Variants in COMMD6 observed in about 807,000 individuals in gnomAD.
The protein encoded by COMMD6 is COMM domain-containing protein 6.
Under a neutral mutation model 13.4 loss-of-function variants are expected in COMMD6, and 11 were observed. The ratio of observed to expected loss-of-function variants is 0.82; its 90% CI spans 0.52 to 1.36. The LOEUF (loss-of-function observed/expected upper bound fraction) is 1.36. COMMD6 is among the 40% of genes most tolerant of loss of function. The pLI, the probability that COMMD6 is intolerant of heterozygous loss-of-function variation, is 0.00. For synonymous variants in COMMD6, 43 were observed against 36.5 expected, an observed-to-expected ratio of 1.18 and a Z score of -0.64; for missense variants, 124 against 102.4, an observed-to-expected ratio of 1.21 and a Z score of -0.91.
At chr13:75,547,770 G>A (rs1168593310) in intron 1 of COMMD6, among the ~76,000 whole-genome samples, 1 of 152,214 alleles carries the variant, frequency 6.6e-6, no homozygotes, top group African/African-American at 2.4e-5. Context: ...TCTGGGGTGT[G>A]CTAGGACAAC....
At chr13:75,535,830 G>A (rs1187441145) in intron 2 of COMMD6, among the ~76,000 whole-genome samples, 1 of 152,026 alleles carries the variant, frequency 6.6e-6, no homozygotes, top group Non-Finnish European at 1.5e-5. Flanking sequence ...ACCGCTTTTT[G>A]TAATTTTCTT....
chr13:75,541,402 C>T (rs1418339231), upstream of COMMD6, among the ~76,000 whole-genome samples: 1 of 151,924 alleles, frequency 6.6e-6, no homozygotes, highest in Admixed American at 6.6e-5. Context: ...GTCTCTTCAG[C>T]TTCTCCATAC....
chr13:75,544,398 T>G (rs2030870459), intron 1 of COMMD6, among the ~76,000 whole-genome samples: 1 of 152,176 alleles, frequency 6.6e-6, no homozygotes. Context: ...CCTGTCTACT[T>G]CACACATTTG....
intron 3 of COMMD6, among the ~76,000 whole-genome samples, chr13:75,529,325 C>T (rs1161085513): frequency 6.6e-6 from 1 of 152,064 alleles, no homozygotes; most frequent in Non-Finnish European, 1.5e-5. Flanking sequence ...TCGAGACCAT[C>T]CTGGCTAACA....
At chr13:75,528,221 T>C (rs1388191616) in intron 3 of COMMD6, among the ~76,000 whole-genome samples, 1 of 151,980 alleles carries the variant, frequency 6.6e-6, no homozygotes, top group African/African-American at 2.4e-5. Flanking sequence ...GTTAATCCAA[T>C]TGTGATTTTT....
At position 75,528,071 on chromosome 13, in the gene COMMD6, CTG is replaced by C. The variant is rs2030332328; in HGVS notation, c.208-1434_208-1433del. ...CTCTCTCCAAAAAAAAAAAAGGTAA[CTG>C]TGTGGGGGTGGATGTGTTAATTAGA... is the stretch of plus-strand genomic sequence containing the variant. On this transcript the variant is annotated intron_variant, in intron 3 of 3. Coordinates refer to ENST00000682242, the MANE Select transcript of COMMD6 (RefSeq NM_203495.4). Among the ~76,000 whole-genome samples the C allele has an allele frequency of 2.0e-5, 3 of 149,214 alleles. 1 individual carries two copies. In the South Asian group the frequency reaches 6.4e-4, roughly 32 times the overall value.
chr13:75,532,560 G>A (rs760487882), intron 2 of COMMD6, among the ~76,000 whole-genome samples: 9 of 152,116 alleles, frequency 5.9e-5, no homozygotes, highest in Non-Finnish European at 8.8e-5. Context: ...TGCTGGGTGC[G>A]GTGGCTCACG....
At chr13:75,537,462 G>T in intron 2 of COMMD6, 1 of 1,551,808 alleles carries the variant, frequency 6.4e-7, no homozygotes, top group Non-Finnish European at 8.7e-7. Flanking sequence ...AGTGCAGGGT[G>T]GGGAAGAGGA....
upstream of COMMD6, among the ~76,000 whole-genome samples, chr13:75,540,339 CA>C (rs1566201698): frequency 2.9e-5 from 3 of 103,660 alleles, no homozygotes; most frequent in African/African-American, 1.2e-4. Context: ...CACACACACA[CA>C]CACCCACACA....
upstream of COMMD6, chr13:75,538,068 A>G (rs532865006): frequency 2.4e-6 from 1 of 417,694 alleles, no homozygotes; most frequent in African/African-American, 2.0e-5. Flanking sequence ...TAAATTTAGG[A>G]TGCCGCTTCC....
intron 1 of COMMD6, among the ~76,000 whole-genome samples, chr13:75,546,718 C>T (rs980098619): frequency 1.3e-5 from 2 of 152,308 alleles, no homozygotes; most frequent in East Asian, 3.9e-4. Flanking sequence ...AGTGGCATGA[C>T]ACTATGACAC....
chr13:75,528,434 GT>G (rs2030346223), intron 3 of COMMD6, among the ~76,000 whole-genome samples: 1 of 152,132 alleles, frequency 6.6e-6, no homozygotes, highest in South Asian at 2.1e-4. Context: ...CTAAGTCTCA[GT>G]TCCAAGACAC....
At chr13:75,543,814 C>T (rs947520889) in intron 1 of COMMD6, among the ~76,000 whole-genome samples, 1 of 151,992 alleles carries the variant, frequency 6.6e-6, no homozygotes, top group African/African-American at 2.4e-5. Context: ...GTCATCAGCA[C>T]GATATTCAAT....
intron 1 of COMMD6, among the ~76,000 whole-genome samples, chr13:75,546,529 C>T (rs192310227): frequency 2.0e-5 from 3 of 152,312 alleles, no homozygotes; most frequent in African/African-American, 4.8e-5. Context: ...AAACTTCCTG[C>T]TTGTCTTTGA....
In COMMD6 at chr13:75,526,566, T is replaced by C. The variant is rs1250761674; in HGVS notation, c.*23A>G. 10 of 1,553,780 alleles carry C rather than the reference T, an allele frequency of 6.4e-6. No individual in the cohort carries two copies. The highest frequency in any genetic ancestry group is 8.8e-6 in the Non-Finnish European group (10 of 1,135,522). On this transcript the variant is annotated 3_prime_UTR_variant, in exon 4 of 4. Coordinates refer to ENST00000682242, the MANE Select transcript of COMMD6 (RefSeq NM_203495.4). ...GTCCATGACTTTAGAATGATAGCAA[T>C]TTATCAACCAAAGAATCCGTCTTCA...
chr13:75,529,520 C>CAAAAAAAAAAAAA (rs58073558), intron 3 of COMMD6, among the ~76,000 whole-genome samples: 16 of 104,638 alleles, frequency 1.5e-4, no homozygotes, highest in African/African-American at 6.0e-4. Flanking sequence ...GACTCCGTCT[C>CAAAAAAAAAAAAA]AAAAAAAAAA....
rs2138405437 is a variant in COMMD6 at position 75,525,830 on chromosome 13, TC to T, written c.*758del. Reference sequence around the variant, plus strand: ...TATTCCGGTGGTCTATTTGCTTACTTCTAAACAAATGCCATACAATGTGGTG... The same window carrying T: ...TATTCCGGTGGTCTATTTGCTTACTTTAAACAAATGCCATACAATGTGGTG... On this transcript the variant is annotated 3_prime_UTR_variant, in exon 4 of 4. Coordinates refer to ENST00000682242, the MANE Select transcript of COMMD6 (RefSeq NM_203495.4). 6.6e-6 allele frequency: 1 copy of T among 152,348 alleles called. No individual in the cohort carries two copies. The highest frequency in any genetic ancestry group is 1.9e-4 in the East Asian group (1 of 5,184). The allele number at this position is 152,348 out of a possible 1,614,324, so 9.4% of individuals were successfully genotyped here. A position where few individuals can be genotyped will look rare whatever the true frequency, so the allele number is the denominator to read the frequency against.
At chr13:75,547,917 T>A (rs1201320319) in intron 1 of COMMD6, among the ~76,000 whole-genome samples, 1 of 152,208 alleles carries the variant, frequency 6.6e-6, no homozygotes, top group East Asian at 1.9e-4. Context: ...ATTTATTGGG[T>A]GGTATGGAAA....
At chr13:75,529,477 T>C (rs1443449223) in intron 3 of COMMD6, among the ~76,000 whole-genome samples, 7 of 136,258 alleles carry the variant, frequency 5.1e-5, no homozygotes, top group Admixed American at 2.5e-4. Flanking sequence ...GCCAAGATCG[T>C]GCCACTGCAC....
Sources: allele counts gnomAD v4.1 joint callset (sites outside exome capture counted in the v4.1 genomes callset), GRCh38; gene constraint gnomAD v4.1.1; transcripts MANE v1.5; gene names NCBI Gene and HGNC (gene_info 2026-07-23, HGNC 2026-07-21).